The following CXCL12 variants were observed in gnomAD, a reference collection of about 807,000 sequenced individuals.
CXCL12 encodes the protein C-X-C motif chemokine ligand 12.
CXCL12 carries 4 observed loss-of-function variants against 10.7 expected under a neutral mutation model. The observed-to-expected ratio is 0.37, with a 90% CI of 0.18 to 0.86. The LOEUF (loss-of-function observed/expected upper bound fraction) is 0.86, where lower values mean the gene tolerates loss of function less well. Ranked by LOEUF, CXCL12 falls within the 40% of genes least tolerant of loss-of-function variation. CXCL12 has a pLI of 0.43. For synonymous variants in CXCL12, 54 were observed against 45.4 expected (o/e 1.19, Z -0.77); for missense variants, 122 against 110.4 (o/e 1.10, Z -0.47).
chr10:44,373,764 G>A (rs1034311186), downstream of CXCL12, among the ~76,000 whole-genome samples: 6 of 152,134 alleles, frequency 3.9e-5, no homozygotes, highest in African/African-American at 1.2e-4. Context: ...GTAACCCTTC[G>A]CCCTCGGGGC....
Position 44,377,630 on chromosome 10 carries a change from A to C in CXCL12, c.*1003T>G. On this transcript the variant is annotated 3_prime_UTR_variant, in exon 3 of 3. Coordinates refer to ENST00000343575, the MANE Select transcript of CXCL12 (RefSeq NM_199168.4). Reference sequence around the variant, plus strand: ...AACCTCAGAGTTTGTTAGTGCCTCCATGGCATACATAGGCTTCAGAGGCAA... The same window carrying C: ...AACCTCAGAGTTTGTTAGTGCCTCCCTGGCATACATAGGCTTCAGAGGCAA... 8 of 1,535,000 alleles carry C rather than the reference A, an allele frequency of 5.2e-6. No homozygotes were observed. The highest frequency in any genetic ancestry group is 7.0e-6 in the Non-Finnish European group (8 of 1,148,082).
chr10:44,377,111 C>G lies in CXCL12; in HGVS notation c.*1522G>C. 1.0e-6 allele frequency: 1 copy of G among 985,560 alleles called. No individual in the cohort carries two copies. The allele number at this position is 985,560 out of a possible 1,614,324, so 61.1% of individuals were successfully genotyped here. A position where few individuals can be genotyped will look rare whatever the true frequency, so the allele number is the denominator to read the frequency against. Reference sequence around the variant, plus strand: ...GAATTTTATTTCAGGTAAATAAATTCCCACATACAGTAGGACGTTTATACC... The same window carrying G: ...GAATTTTATTTCAGGTAAATAAATTGCCACATACAGTAGGACGTTTATACC... On this transcript the variant is annotated 3_prime_UTR_variant, in exon 3 of 3. Transcript: ENST00000343575.
At chr10:44,371,622 T>G (rs1839314926), downstream of CXCL12, 1 of 170,118 alleles carries the variant, frequency 5.9e-6, no homozygotes, top group Non-Finnish European at 1.3e-5. Context: ...TTGAAATACT[T>G]ATGAAAATAC....
chr10:44,384,973 G>A lies in CXCL12; in HGVS notation c.33C>T (p.Leu11=), dbSNP rs1406716052. MNAKVVVVLV[L]VLTALCLSDG... Reference sequence around the variant, plus strand: ...CGCTGAGGCAGAGCGCGGTCAGCACGAGGACCAGCACGACCACGACCTTGG... The same window carrying A: ...CGCTGAGGCAGAGCGCGGTCAGCACAAGGACCAGCACGACCACGACCTTGG... Residue 11 remains leucine, a synonymous_variant, in exon 1 of 3, where the codon CTC becomes CTT. Transcript: ENST00000343575. 19 of 1,500,658 alleles carry A rather than the reference G, an allele frequency of 1.3e-5. No homozygotes were observed. Among genetic ancestry groups the A allele is most frequent in the Admixed American group, 3.7e-5 (2 of 54,220 alleles). 93.0% of individuals were successfully genotyped at this position (1,500,658 alleles called of 1,614,324 possible).
intron 1 of CXCL12, among the ~76,000 whole-genome samples, chr10:44,384,723 C>T (rs1480203768): frequency 2.0e-5 from 3 of 152,244 alleles, no homozygotes; most frequent in African/African-American, 7.2e-5. Flanking sequence ...CTGCAGCCAG[C>T]TTGAGGTCAG....
At chr10:44,379,248 C>T (rs1441613411) in intron 2 of CXCL12, among the ~76,000 whole-genome samples, 7 of 152,116 alleles carry the variant, frequency 4.6e-5, no homozygotes, top group Admixed American at 2.0e-4. Context: ...CAGAAGTCAC[C>T]GCGGTCTGAC....
chr10:44,375,821 C>A (rs1839433723), downstream of CXCL12: 2 of 1,534,018 alleles, frequency 1.3e-6, no homozygotes, highest in Admixed American at 4.5e-5. Flanking sequence ...CACTGCTCCC[C>A]CACGGAAGTC....
chr10:44,373,519 G>A (rs1291325921), downstream of CXCL12, among the ~76,000 whole-genome samples: 1 of 152,226 alleles, frequency 6.6e-6, no homozygotes, highest in East Asian at 1.9e-4. Context: ...AGGGGAGTGC[G>A]AGACGCAGCC....
At chr10:44,383,597 C>T (rs1043905810) in intron 1 of CXCL12, among the ~76,000 whole-genome samples, 1 of 114,780 alleles carries the variant, frequency 8.7e-6, no homozygotes, top group East Asian at 2.5e-4. Context: ...TAGAAACATG[C>T]CCCATGACTT....
At position 44,378,645 on chromosome 10, in the gene CXCL12, A is replaced by G. The variant is rs373163202; in HGVS notation, c.258T>C (p.Ala86=). 5 of 1,614,072 alleles carry G rather than the reference A, an allele frequency of 3.1e-6. No homozygotes were observed. Among genetic ancestry groups the G allele is most frequent in the Non-Finnish European group, 4.2e-6 (5 of 1,180,028 alleles). Residue 86 remains alanine (A), a synonymous_variant, in exon 3 of 3, where the codon GCT becomes GCC. Coordinates refer to ENST00000343575, the MANE Select transcript of CXCL12 (RefSeq NM_199168.4). ...LKWIQEYLEK[A]LNK is the part of the protein sequence containing the mutation. The stretch of plus-strand genomic sequence containing the variant: ...TTGGCTGTTGTGCTTACTTGTTTAA[A>G]GCTTTCTCCAGGTACTCCTGAATCC...
At position 44,377,859 on chromosome 10, in the gene CXCL12, G is replaced by T; in HGVS notation, c.*774C>A. 6.3e-7 allele frequency: 1 copy of T among 1,586,640 alleles called. No homozygotes were observed. The highest frequency in any genetic ancestry group is 8.5e-7 in the Non-Finnish European group (1 of 1,174,568). ...CTGGGAGGAGAGGGATGCAGGGCAC[G>T]AGCCCCAGCAATCACCCTCTTCCCG... is the stretch of plus-strand genomic sequence containing the variant. On this transcript the variant is annotated 3_prime_UTR_variant, in exon 3 of 3. Transcript: ENST00000343575.
At chr10:44,384,588 G>A (rs1839739400) in intron 1 of CXCL12, among the ~76,000 whole-genome samples, 1 of 152,210 alleles carries the variant, frequency 6.6e-6, no homozygotes, top group South Asian at 2.1e-4. Context: ...CAGCGGGAAG[G>A]CAGTGGGTGG....
At chr10:44,372,996 AC>A, downstream of CXCL12, 1 of 1,535,898 alleles carries the variant, frequency 6.5e-7, no homozygotes, top group East Asian at 2.4e-5. Context: ...CAGTCTCCCC[AC>A]CTGCACAGCT....
chr10:44,380,538 C>A (rs1418687085), intron 2 of CXCL12: 1 of 541,764 alleles, frequency 1.8e-6, no homozygotes, highest in Non-Finnish European at 3.3e-6. Context: ...GAGAGAACTA[C>A]TACGAGCACA....
downstream of CXCL12, chr10:44,374,322 G>A (rs1005779948): frequency 4.0e-5 from 16 of 398,118 alleles, no homozygotes; most frequent in Non-Finnish European, 7.5e-5. Flanking sequence ...GAATGCAGGC[G>A]AGTATGGGGG....
chr10:44,375,845 A>G (rs1270599552), downstream of CXCL12: 42 of 1,573,282 alleles, frequency 2.7e-5, no homozygotes, highest in Non-Finnish European at 3.6e-5. Context: ...GCCCCTGCCC[A>G]GTCTGCATGG....
chr10:44,370,341 A>G (rs1175916139), exon 4 of CXCL12: 2 of 152,558 alleles, frequency 1.3e-5, no homozygotes, highest in African/African-American at 4.8e-5. Context: ...TATCTGGGAG[A>G]TGCAATTGAA....
intron 1 of CXCL12, among the ~76,000 whole-genome samples, chr10:44,381,631 G>A (rs1839633725): frequency 1.3e-5 from 2 of 152,226 alleles, no homozygotes; most frequent in African/African-American, 2.4e-5. Context: ...TTTACAAAAT[G>A]CCATAATTGA....
intron 1 of CXCL12, among the ~76,000 whole-genome samples, chr10:44,384,622 G>A (rs1039678355): frequency 2.0e-5 from 3 of 152,228 alleles, no homozygotes; most frequent in Non-Finnish European, 4.4e-5. Context: ...AGGGGTCTGG[G>A]GTCCGCGGCT....
Sources: allele counts gnomAD v4.1 joint callset (sites outside exome capture counted in the v4.1 genomes callset), GRCh38; gene constraint gnomAD v4.1.1; transcripts MANE v1.5; gene names NCBI Gene and HGNC (gene_info 2026-07-23, HGNC 2026-07-21).